The following LAMA1 variants were observed in gnomAD, a reference collection of about 807,000 sequenced individuals.
LAMA1 encodes laminin subunit alpha-1.
Under a neutral mutation model 348.7 loss-of-function variants are expected in LAMA1, and 219 were observed. That is an observed-to-expected ratio of 0.63 (90% CI 0.56 to 0.70). The LOEUF (loss-of-function observed/expected upper bound fraction) is 0.70, where lower values mean the gene tolerates loss of function less well. Among genes scored for constraint, LAMA1 ranks in the 30% least tolerant of loss-of-function variants. LAMA1 has a pLI of 0.00. For missense variants in LAMA1, 3,744 were observed against 3,888.0 expected, an observed-to-expected ratio of 0.96 and a Z score of 0.99; for synonymous variants, 1,487 against 1,491.0, an observed-to-expected ratio of 1.00 and a Z score of 0.06.
intron 16 of LAMA1, among the ~76,000 whole-genome samples, chr18:7,029,535 T>C (rs74797697): frequency 0.023 from 3,497 of 152,288 alleles, 82 homozygotes; most frequent in Middle Eastern, 0.068. Flanking sequence ...GGGAAACTAG[T>C]ATGTAGTTCT....
chr18:6,986,942 C>T (rs1051901993), intron 36 of LAMA1, among the ~76,000 whole-genome samples: 16 of 151,998 alleles, frequency 1.1e-4, no homozygotes, highest in Admixed American at 6.6e-4. Flanking sequence ...TTAGTAGAGA[C>T]GGGGTTTGGG....
At chr18:6,965,259 A>G in intron 50 of LAMA1, 29 bp downstream of exon 50, 1 of 1,613,962 alleles carries the variant, frequency 6.2e-7, no homozygotes, top group Non-Finnish European at 8.5e-7. Flanking sequence ...AGGGTGACCG[A>G]CATCTGGTGA....
At chr18:6,991,394 T>C (rs1430734305) in intron 36 of LAMA1, among the ~76,000 whole-genome samples, 1 of 147,858 alleles carries the variant, frequency 6.8e-6, no homozygotes, top group African/African-American at 2.5e-5. Context: ...TTCTTCTTTT[T>C]TTTTTTTTTT....
In LAMA1 at chr18:6,956,617, T is replaced by C; in HGVS notation, c.8094+19A>G. On this transcript the variant is annotated intron_variant, in intron 56 of 62. Coordinates refer to ENST00000389658, the MANE Select transcript of LAMA1 (RefSeq NM_005559.4). ...TTTGCTGACTGGACCTGACTGATAG[T>C]AAAGGAAGCCGCTCCTACTGGAAAA... is the stretch of plus-strand genomic sequence containing the variant. 6.2e-7 allele frequency: 1 copy of C among 1,613,930 alleles called. No homozygotes were observed. The highest frequency in any genetic ancestry group is 1.6e-4 in the Middle Eastern group (1 of 6,062).
intron 41 of LAMA1, among the ~76,000 whole-genome samples, chr18:6,981,777 A>G (rs1434034460): frequency 1.3e-5 from 2 of 152,194 alleles, no homozygotes; most frequent in Non-Finnish European, 2.9e-5. Context: ...AAAGGGTATG[A>G]GCTGTGTGCC....
At chr18:7,061,599 C>A (rs576240196) in intron 3 of LAMA1, among the ~76,000 whole-genome samples, 1 of 152,346 alleles carries the variant, frequency 6.6e-6, no homozygotes, top group East Asian at 1.9e-4. Context: ...AGGCTTTCTC[C>A]AAAATGCAGT....
In LAMA1 at chr18:7,107,842, G is replaced by A. The variant is rs190863560; in HGVS notation, c.61+9818C>T. 3.9e-3 allele frequency among the ~76,000 whole-genome samples: 592 copies of A among 151,354 alleles called. 2 individuals carry two copies. The highest frequency in any genetic ancestry group is 0.012 in the Admixed American group (177 of 15,176). ...GTCCTGGCTACCATGGTGAAACCCC[G>A]TCTCTACTAAAAATACAAAAAATTA... On this transcript the variant is annotated intron_variant, in intron 1 of 62. Transcript: ENST00000389658.
chr18:6,997,821 A>G lies in LAMA1; in HGVS notation c.4727T>C (p.Leu1576Pro). Residue 1576 changes from leucine to proline, a missense_variant, in exon 33 of 63, where the codon CTT becomes CCT. Coordinates refer to ENST00000389658, the MANE Select transcript of LAMA1 (RefSeq NM_005559.4). ...GATAATGCCAGTGAGGTTCAGAGAAAGAACGGCATCACCAATCTCATCCAA... is the reference window on the plus strand; with the variant it reads ...GATAATGCCAGTGAGGTTCAGAGAAGGAACGGCATCACCAATCTCATCCAA... Reference protein sequence around the residue: ...NDLDEIGDAVLSLNLTGIIPV... With the variant: ...NDLDEIGDAVPSLNLTGIIPV... The G allele has an allele frequency of 1.2e-6, 2 of 1,614,172 alleles. No individual in the cohort carries two copies. Among genetic ancestry groups the G allele is most frequent in the Non-Finnish European group, 1.7e-6 (2 of 1,179,972 alleles).
rs751890706 is a variant in LAMA1, at chr18:6,942,046, G to T, written c.*33C>A. The stretch of plus-strand genomic sequence containing the variant: ...ACATACACTTCTCCTCAAAATATTA[G>T]CAATGATTCCAACTGAGGATTCTGC... On this transcript the variant is annotated 3_prime_UTR_variant, in exon 63 of 63. Transcript: ENST00000389658. 3.1e-6 allele frequency: 5 copies of T among 1,612,070 alleles called. No individual in the cohort carries two copies. Among genetic ancestry groups the T allele is most frequent in the East Asian group, 2.2e-5 (1 of 44,854 alleles).
chr18:7,012,724 C>T (rs1204362473), intron 23 of LAMA1, among the ~76,000 whole-genome samples: 1 of 147,668 alleles, frequency 6.8e-6, no homozygotes, highest in African/African-American at 2.5e-5. Flanking sequence ...AGGCTGGTCT[C>T]GAACTCCTGA....
intron 3 of LAMA1, among the ~76,000 whole-genome samples, chr18:7,077,295 G>C (rs552850089): frequency 6.7e-6 from 1 of 150,302 alleles, no homozygotes; most frequent in South Asian, 2.1e-4. Flanking sequence ...TCCGCCTCCT[G>C]GGTTCACGCC....
intron 1 of LAMA1, among the ~76,000 whole-genome samples, chr18:7,096,974 A>G (rs2058263836): frequency 6.6e-6 from 1 of 152,314 alleles, no homozygotes; most frequent in South Asian, 2.1e-4. Context: ...AGGCAGGGCT[A>G]GCCGTGAAAG....
Position 7,017,266 on chromosome 18 carries a change from C to T in LAMA1, c.2808+12G>A, listed in dbSNP as rs772325923. 197 of 1,601,006 alleles carry T rather than the reference C, an allele frequency of 1.2e-4. No homozygotes were observed. The highest frequency in any genetic ancestry group is 1.7e-4 in the Non-Finnish European group (196 of 1,168,998). ...CCAAGGCTAAGGTGTCAATTAGTCA[C>T]ATGCATCTTACCAAGCACTGGTCAC... On this transcript the variant is annotated intron_variant, in intron 20 of 62. Coordinates refer to ENST00000389658, the MANE Select transcript of LAMA1 (RefSeq NM_005559.4).
At chr18:7,115,127 G>C (rs1598327065) in intron 1 of LAMA1, among the ~76,000 whole-genome samples, 1 of 152,244 alleles carries the variant, frequency 6.6e-6, no homozygotes, top group East Asian at 1.9e-4. Flanking sequence ...TGGGCCCTTA[G>C]AGAATACAGT....
At chr18:7,002,883 TTC>T (rs1380277499) in intron 29 of LAMA1, among the ~76,000 whole-genome samples, 1 of 130,712 alleles carries the variant, frequency 7.7e-6, no homozygotes, top group Non-Finnish European at 1.6e-5. Flanking sequence ...ATTTTTTTCT[TTC>T]TTTTTTTTTT....
chr18:7,098,009 G>A (rs937818274), intron 1 of LAMA1, among the ~76,000 whole-genome samples: 1 of 150,010 alleles, frequency 6.7e-6, no homozygotes, highest in African/African-American at 2.4e-5. Flanking sequence ...GCAGGCTCGC[G>A]CCGCCACGCC....
At position 7,083,869 on chromosome 18, in the gene LAMA1, G is replaced by A. The variant is rs532320328; in HGVS notation, c.62-3412C>T. ...GCGGATCACTTGAGGTCAGGAGTTCGAGACCAGCCTGGCCACCATGGTAAA... is the reference window on the plus strand; with the variant it reads ...GCGGATCACTTGAGGTCAGGAGTTCAAGACCAGCCTGGCCACCATGGTAAA... On this transcript the variant is annotated intron_variant, in intron 1 of 62. Coordinates refer to ENST00000389658, the MANE Select transcript of LAMA1 (RefSeq NM_005559.4). 1.7e-3 allele frequency among the ~76,000 whole-genome samples: 264 copies of A among 152,010 alleles called. 3 individuals carry two copies. The highest frequency in any genetic ancestry group is 6.2e-3 in the African/African-American group (259 of 41,500).
Position 6,986,099 on chromosome 18 carries a change from C to G in LAMA1, c.5379+38G>C, listed in dbSNP as rs745616163. On this transcript the variant is annotated intron_variant, in intron 37 of 62. Coordinates refer to ENST00000389658, the MANE Select transcript of LAMA1 (RefSeq NM_005559.4). Reference sequence around the variant, plus strand: ...TGCTTACGTTGGAGTATTTTGTTACCTGTTCTAATTGAGAAGGAGAGAGCA... The same window carrying G: ...TGCTTACGTTGGAGTATTTTGTTACGTGTTCTAATTGAGAAGGAGAGAGCA... 2.5e-6 allele frequency: 4 copies of G among 1,607,818 alleles called. No homozygotes were observed. The South Asian group carries it at 4.4e-5, about 18-fold the overall frequency.
intron 16 of LAMA1, among the ~76,000 whole-genome samples, chr18:7,027,393 G>A (rs533734845): frequency 6.6e-6 from 1 of 152,086 alleles, no homozygotes; most frequent in Non-Finnish European, 1.5e-5. Context: ...GGGGAAAATG[G>A]CAACAACACG....
Sources: gnomAD v4.1 joint callset for allele counts (sites outside exome capture counted in the v4.1 genomes callset) on GRCh38, gnomAD v4.1.1 for gene constraint, MANE v1.5 for transcripts, NCBI Gene and HGNC (gene_info 2026-07-23, HGNC 2026-07-21) for gene names.